CEBPZ: variants seen among roughly 807,000 people sequenced by gnomAD.
CEBPZ encodes the protein CCAAT/enhancer-binding protein zeta.
Under a neutral mutation model 104.5 loss-of-function variants are expected in CEBPZ, and 78 were observed. The ratio of observed to expected loss-of-function variants is 0.75; its 90% CI spans 0.62 to 0.90. The LOEUF (loss-of-function observed/expected upper bound fraction) is 0.90. Ranked by LOEUF, CEBPZ falls within the 40% of genes least tolerant of loss-of-function variation. The pLI is 0.00. For synonymous variants in CEBPZ, 470 were observed against 427.0 expected (o/e 1.10, Z -1.24); for missense variants, 1,439 against 1,233.5 (o/e 1.17, Z -2.50).
rs747800646 is a variant in CEBPZ, at chr2:37,231,581, T to A, written c.-14A>T. The stretch of plus-strand genomic sequence containing the variant: ...GACTGCGGCCATGGCGGGCAAAGCA[T>A]ACGCGCGTGAAACTCAGCCTATTTC... On this transcript the variant is annotated 5_prime_UTR_variant, in exon 1 of 16. An upstream start codon of the reference 5' UTR is lost. Transcript: ENST00000234170. The A allele has an allele frequency of 5.3e-5, 85 of 1,614,124 alleles. No individual in the cohort carries two copies. The highest frequency in any genetic ancestry group is 6.9e-5 in the Non-Finnish European group (82 of 1,180,048).
intron 3 of CEBPZ, 99 bp downstream of exon 3, chr2:37,223,071 C>T: frequency 2.1e-6 from 2 of 957,272 alleles, no homozygotes; most frequent in Admixed American, 2.4e-5. Context: ...TCATATGCTC[C>T]AGAGAACTAG....
chr2:37,223,474 T>C, intron 2 of CEBPZ, 73 bp from the exon 3 acceptor site: 4 of 1,289,720 alleles, frequency 3.1e-6, no homozygotes, highest in Non-Finnish European at 4.4e-6. Flanking sequence ...ATATTAGAAA[T>C]AGCTACTAAC....
chr2:37,215,804 A>G (rs1413062401), intron 8 of CEBPZ, among the ~76,000 whole-genome samples: 3 of 152,202 alleles, frequency 2.0e-5, no homozygotes, highest in Admixed American at 1.3e-4. Flanking sequence ...ATTGTAAGCA[A>G]TAATAATTAT....
At chr2:37,212,979 C>T (rs770319682) in intron 10 of CEBPZ, among the ~76,000 whole-genome samples, 2 of 151,668 alleles carry the variant, frequency 1.3e-5, no homozygotes, top group Admixed American at 6.6e-5. Flanking sequence ...GTCTAGGCTG[C>T]AGGGCTGCAG....
In CEBPZ at chr2:37,202,957, G is replaced by C; in HGVS notation, c.2936C>G (p.Ala979Gly). 6.3e-7 allele frequency: 1 copy of C among 1,578,260 alleles called. No homozygotes were observed. Among genetic ancestry groups the C allele is most frequent in the African/African-American group, 1.4e-5 (1 of 73,110 alleles). ...NLNDSSLFVS[A>G]EEFGHLLDEN... is the part of the protein sequence containing the mutation. ...ACAGTACATTAGCCTTACCTCTTCAGCAGATACAAATAGGCTGGAATCATT... is the reference window on the plus strand; with the variant it reads ...ACAGTACATTAGCCTTACCTCTTCACCAGATACAAATAGGCTGGAATCATT... Residue 979 changes from alanine to glycine, a missense_variant, in exon 14 of 16, where the codon GCT becomes GGT. Coordinates refer to ENST00000234170, the MANE Select transcript of CEBPZ (RefSeq NM_005760.3).
chr2:37,210,898 G>A lies in CEBPZ; in HGVS notation c.2884+101C>T, dbSNP rs1677700613. ...CTTAAAAAGAACCCCCCCCACCCCT[G>A]AATTTTATTAATCAAATTTAGGAGA... On this transcript the variant is annotated intron_variant, in intron 13 of 15. Transcript: ENST00000234170. 1.2e-5 allele frequency: 8 copies of A among 667,562 alleles called. No individual in the cohort carries two copies. The East Asian group carries it at 2.6e-4, about 21-fold the overall frequency. The allele number at this position is 667,562 out of a possible 1,614,324, so 41.4% of individuals were successfully genotyped here.
chr2:37,206,539 G>A (rs1677545836), intron 13 of CEBPZ, among the ~76,000 whole-genome samples: 1 of 152,088 alleles, frequency 6.6e-6, no homozygotes, highest in East Asian at 1.9e-4. Context: ...TGTATTTTTT[G>A]TAGAGATAGG....
chr2:37,211,731 T>A, intron 12 of CEBPZ, 112 bp downstream of exon 12: 1 of 717,324 alleles, frequency 1.4e-6, no homozygotes, highest in South Asian at 2.5e-5. Context: ...CTGGCTGACA[T>A]GAGTATTAAT....
At chr2:37,214,618 G>C (rs989147376) in intron 9 of CEBPZ, among the ~76,000 whole-genome samples, 3 of 152,078 alleles carry the variant, frequency 2.0e-5, no homozygotes, top group Admixed American at 2.0e-4. Flanking sequence ...GTTTTACTAA[G>C]ATATATTAAG....
intron 1 of CEBPZ, among the ~76,000 whole-genome samples, chr2:37,229,739 G>A (rs528819686): frequency 2.6e-5 from 4 of 152,284 alleles, no homozygotes; most frequent in African/African-American, 7.2e-5. Flanking sequence ...ACATGGTCTC[G>A]CTCTGTTGTC....
Position 37,231,478 on chromosome 2 carries a change from C to T in CEBPZ, c.90G>A (p.Glu30=). The T allele has an allele frequency of 1.9e-6, 3 of 1,614,256 alleles. No homozygotes were observed. The highest frequency in any genetic ancestry group is 2.5e-6 in the Non-Finnish European group (3 of 1,180,044). Residue 30 remains glutamate (E), a synonymous_variant, in exon 1 of 16, where the codon GAG becomes GAA. Coordinates refer to ENST00000234170, the MANE Select transcript of CEBPZ (RefSeq NM_005760.3). ...CATTCTCGGCTTCACTAGTATTATCCTCATCCTCCTCGTCCGGATCTTCTA... is the reference window on the plus strand; with the variant it reads ...CATTCTCGGCTTCACTAGTATTATCTTCATCCTCCTCGTCCGGATCTTCTA... ...EAVEDPDEED[E]DNTSEAENGF...
At chr2:37,224,510 T>C (rs1403079150) in intron 2 of CEBPZ, among the ~76,000 whole-genome samples, 1 of 152,124 alleles carries the variant, frequency 6.6e-6, no homozygotes, top group Non-Finnish European at 1.5e-5. Context: ...ATCACCCTTT[T>C]GGTAATATTC....
Position 37,212,323 on chromosome 2 carries a change from G to A in CEBPZ, c.2603+12C>T. ...CTAGAAAAATAGGAAGGAGAAGATA[G>A]AAGTATGTTACCCAGCAAAATCCAT... On this transcript the variant is annotated intron_variant, in intron 11 of 15. Transcript: ENST00000234170. The A allele has an allele frequency of 6.2e-7, 1 of 1,609,304 alleles. No homozygotes were observed. Among genetic ancestry groups the A allele is most frequent in the Non-Finnish European group, 8.5e-7 (1 of 1,175,926 alleles).
intron 5 of CEBPZ, 55 bp downstream of exon 5, chr2:37,220,326 AAAAT>A: frequency 1.2e-5 from 7 of 571,834 alleles, no homozygotes; most frequent in Non-Finnish European, 1.8e-5. Flanking sequence ...AAAAAAAAAA[AAAAT>A]ATATATATAT....
intron 13 of CEBPZ, among the ~76,000 whole-genome samples, chr2:37,208,334 G>T (rs1677607312): frequency 6.6e-6 from 1 of 151,960 alleles, no homozygotes; most frequent in African/African-American, 2.4e-5. Context: ...ATCAGGAAAT[G>T]ACATAACAAA....
chr2:37,223,532 C>G, intron 2 of CEBPZ, 131 bp from the exon 3 acceptor site: 1 of 739,158 alleles, frequency 1.4e-6, no homozygotes, highest in South Asian at 1.9e-5. Flanking sequence ...GAACAAGAGA[C>G]CCTGCCCTAA....
At chr2:37,226,491 C>T (rs1415435669) in intron 2 of CEBPZ, among the ~76,000 whole-genome samples, 1 of 152,184 alleles carries the variant, frequency 6.6e-6, no homozygotes, top group Non-Finnish European at 1.5e-5. Flanking sequence ...AGCTGTAGAA[C>T]CTTGTGCAAG....
intron 13 of CEBPZ, chr2:37,208,808 G>C (rs967945198): frequency 2.6e-5 from 4 of 152,072 alleles, no homozygotes; most frequent in Non-Finnish European, 4.4e-5. Flanking sequence ...CTGGACAAGA[G>C]AAAGAAAGGG....
rs964993402 is a variant in CEBPZ, at chr2:37,231,152, G to C, written c.156+260C>G. ...CACTCTCCGACCTGATGGTGTGATGGTTATACCACGTCAATAAAATCAGAA... is the reference window on the plus strand; with the variant it reads ...CACTCTCCGACCTGATGGTGTGATGCTTATACCACGTCAATAAAATCAGAA... On this transcript the variant is annotated intron_variant, in intron 1 of 15. Coordinates refer to ENST00000234170, the MANE Select transcript of CEBPZ (RefSeq NM_005760.3). 2.6e-5 allele frequency: 17 copies of C among 646,450 alleles called. No homozygotes were observed. In the African/African-American group the frequency reaches 2.9e-4, roughly 11 times the overall value. The allele number at this position is 646,450 out of a possible 1,614,324, so 40.0% of individuals were successfully genotyped here.
Sources: gnomAD v4.1 joint callset for allele counts (sites outside exome capture counted in the v4.1 genomes callset) on GRCh38, gnomAD v4.1.1 for gene constraint, MANE v1.5 for transcripts, NCBI Gene and HGNC (gene_info 2026-07-23, HGNC 2026-07-21) for gene names.